Variants in RBM23 observed in about 807,000 individuals in gnomAD.
RBM23 encodes probable RNA-binding protein 23.
A neutral mutation model predicts 56.2 loss-of-function variants in RBM23; 53 were observed. The ratio of observed to expected loss-of-function variants is 0.94; its 90% CI spans 0.76 to 1.19. The LOEUF (loss-of-function observed/expected upper bound fraction) is 1.19. Ranked by LOEUF, RBM23 falls within the 50% of genes most tolerant of loss-of-function variation. The pLI is 0.00. For missense variants in RBM23, 642 were observed against 590.3 expected (o/e 1.09, Z -0.91); for synonymous variants, 197 against 198.5 (o/e 0.99, Z 0.06).
At position 22,898,640 on chromosome 14, in the gene RBM23, C is replaced by T. The variant is rs555777010; in HGVS notation, c.*3090G>A. The T allele has an allele frequency of 6.6e-6, 1 of 151,986 alleles. No homozygotes were observed. The highest frequency in any genetic ancestry group is 2.1e-4 in the South Asian group (1 of 4,810). The allele number at this position is 151,986 out of a possible 1,614,324, so 9.4% of individuals were successfully genotyped here. A position where few individuals can be genotyped will look rare whatever the true frequency, so the allele number is the denominator to read the frequency against. The stretch of plus-strand genomic sequence containing the variant: ...GATACGTCCTTACTTCCAACATTGT[C>T]TCTCTCCCAGCAAGAGGCTATGTGA... On this transcript the variant is annotated 3_prime_UTR_variant, in exon 14 of 14. Transcript: ENST00000359890.
In RBM23 at chr14:22,909,564, T is replaced by C. The variant is rs371973683; in HGVS notation, c.98A>G (p.Asp33Gly). 9 of 1,613,628 alleles carry C rather than the reference T, an allele frequency of 5.6e-6. No individual in the cohort carries two copies. Among genetic ancestry groups the C allele is most frequent in the South Asian group, 5.5e-5 (5 of 91,060 alleles). Residue 33 changes from aspartate (D) to glycine (G), a missense_variant, in exon 3 of 14, where the codon GAT (aspartate) becomes GGT (glycine). Coordinates refer to ENST00000359890, the MANE Select transcript of RBM23 (RefSeq NM_001077351.2). ...DEQQRKEVKK[D>G]YPSNTTSSTS... is the part of the protein sequence containing the mutation. Reference sequence around the variant, plus strand: ...GCTGCTGGTGGTATTGCTAGGATAATCCTTTTTAACTTCTTTCCTTTGTTG... The same window carrying C: ...GCTGCTGGTGGTATTGCTAGGATAACCCTTTTTAACTTCTTTCCTTTGTTG...
Position 22,894,262 on chromosome 14 carries a change from C to T in RBM23, c.*7468G>A, listed in dbSNP as rs1217243622. ...GGTCTACAAAGTCCAACGTGCCTTC[C>T]ATAGGACTCACGGGTAACACTTTTT... is the stretch of plus-strand genomic sequence containing the variant. On this transcript the variant is annotated 3_prime_UTR_variant, in exon 14 of 14. Transcript: ENST00000359890. 6.6e-6 allele frequency: 1 copy of T among 152,178 alleles called. No individual in the cohort carries two copies. Among genetic ancestry groups the T allele is most frequent in the Non-Finnish European group, 1.5e-5 (1 of 68,050 alleles). The allele number at this position is 152,178 out of a possible 1,614,324, so 9.4% of individuals were successfully genotyped here.
intron 9 of RBM23, 149 bp from the exon 10 acceptor site, chr14:22,904,475 CGG>C: frequency 3.0e-6 from 2 of 677,650 alleles, no homozygotes; most frequent in South Asian, 2.1e-5. Flanking sequence ...GACCTTGTCT[CGG>C]AAAAAAAAAG....
chr14:22,900,337 CCCT>C lies in RBM23; in HGVS notation c.*1390_*1392del, dbSNP rs1234147804. The C allele has an allele frequency of 1.3e-5, 2 of 151,304 alleles. No individual in the cohort carries two copies. Among genetic ancestry groups the C allele is most frequent in the East Asian group, 2.0e-4 (1 of 5,120 alleles). 9.4% of individuals were successfully genotyped at this position (151,304 alleles called of 1,614,324 possible). ...AACTCTTCAAGATCACAACCCCCCC[CCCT>C]CCCCGCCCCGCCCCACTAGAAAAAA... On this transcript the variant is annotated 3_prime_UTR_variant, in exon 14 of 14. Coordinates refer to ENST00000359890, the MANE Select transcript of RBM23 (RefSeq NM_001077351.2).
intron 4 of RBM23, 112 bp downstream of exon 4, chr14:22,908,219 CTA>C: frequency 8.7e-7 from 1 of 1,143,452 alleles, no homozygotes; most frequent in Non-Finnish European, 1.2e-6. Flanking sequence ...CAGGATTTTG[CTA>C]TGTTGCCCAG....
chr14:22,903,005 C>T (rs769841696), intron 10 of RBM23: 156 of 889,328 alleles, frequency 1.8e-4, no homozygotes, highest in Non-Finnish European at 2.0e-4. Context: ...TGGTCTCGAA[C>T]TCCTGACCTC....
chr14:22,909,828 C>A (rs912767039), intron 2 of RBM23, among the ~76,000 whole-genome samples: 10 of 152,266 alleles, frequency 6.6e-5, no homozygotes, highest in East Asian at 1.9e-4. Context: ...TACCCAACAT[C>A]TGCTCCACTA....
chr14:22,916,439 G>A (rs2043512465), intron 1 of RBM23, among the ~76,000 whole-genome samples: 1 of 103,450 alleles, frequency 9.7e-6, no homozygotes, highest in African/African-American at 3.1e-5. Context: ...CATATTTTGG[G>A]CTTTTTTTTT....
chr14:22,918,247 T>C (rs1483316753), intron 1 of RBM23, among the ~76,000 whole-genome samples: 1 of 151,300 alleles, frequency 6.6e-6, no homozygotes, highest in Non-Finnish European at 1.5e-5. Context: ...ATACAAAAAT[T>C]AGCCGGGCGT....
At chr14:22,903,147 G>C (rs1223923823) in intron 10 of RBM23, 10 of 985,430 alleles carry the variant, frequency 1.0e-5, no homozygotes, top group African/African-American at 1.7e-5. Flanking sequence ...ACACACCCTA[G>C]TGCTGACAGC....
In RBM23 at chr14:22,893,625, G is replaced by A. The variant is rs1486168603; in HGVS notation, c.*8105C>T. On this transcript the variant is annotated 3_prime_UTR_variant, in exon 14 of 14. Coordinates refer to ENST00000359890, the MANE Select transcript of RBM23 (RefSeq NM_001077351.2). ...AGATAGTTGAGAGAAAGAAGGAAAA[G>A]CATTCCTTGTGGTCAAACTACATGA... 6.6e-6 allele frequency: 1 copy of A among 152,216 alleles called. No homozygotes were observed. The highest frequency in any genetic ancestry group is 2.4e-5 in the African/African-American group (1 of 41,452). The allele number at this position is 152,216 out of a possible 1,614,324, so 9.4% of individuals were successfully genotyped here. A position where few individuals can be genotyped will look rare whatever the true frequency, so the allele number is the denominator to read the frequency against.
intron 10 of RBM23, chr14:22,903,206 G>A: frequency 2.0e-6 from 2 of 985,488 alleles, no homozygotes; most frequent in South Asian, 9.4e-5. Context: ...TTGACTAAGT[G>A]ACCTGCTGAC....
intron 1 of RBM23, among the ~76,000 whole-genome samples, chr14:22,918,717 T>A (rs1475140403): frequency 6.6e-6 from 1 of 152,100 alleles, no homozygotes; most frequent in Non-Finnish European, 1.5e-5. Context: ...GTGTCACGGC[T>A]GCAGAGACCC....
At position 22,904,284 on chromosome 14, in the gene RBM23, A is replaced by G; in HGVS notation, c.907T>C (p.Ser303Pro). Residue 303 changes from serine to proline, a missense_variant, in exon 10 of 14, where the codon TCT (serine) becomes CCT (proline). Coordinates refer to ENST00000359890, the MANE Select transcript of RBM23 (RefSeq NM_001077351.2). ...VLMKDSDTGR[S>P]KGYGFITFSD... Reference sequence around the variant, plus strand: ...ACCGTGATGAAACCATAACCTTTAGAGCGGCCTGTATCTGAGTCCTTCATC... The same window carrying G: ...ACCGTGATGAAACCATAACCTTTAGGGCGGCCTGTATCTGAGTCCTTCATC... 1.2e-6 allele frequency: 2 copies of G among 1,613,612 alleles called. No homozygotes were observed. Among genetic ancestry groups the G allele is most frequent in the Non-Finnish European group, 1.7e-6 (2 of 1,179,558 alleles).
At chr14:22,904,823 C>T in intron 9 of RBM23, 52 bp downstream of exon 9, 2 of 1,608,822 alleles carry the variant, frequency 1.2e-6, no homozygotes, top group Non-Finnish European at 1.7e-6. Context: ...CAAACACTCA[C>T]CCTCCCCACT....
rs2040403653 is a variant in RBM23 at position 22,900,868 on chromosome 14, G to A, written c.*862C>T. On this transcript the variant is annotated 3_prime_UTR_variant, in exon 14 of 14. Coordinates refer to ENST00000359890, the MANE Select transcript of RBM23 (RefSeq NM_001077351.2). Reference sequence around the variant, plus strand: ...GAAGGGCTCACACATGCCCAGGTAAGGGATGGGAGTAGCTATAATTGCCAG... The same window carrying A: ...GAAGGGCTCACACATGCCCAGGTAAAGGATGGGAGTAGCTATAATTGCCAG... 1 of 152,122 alleles carries A rather than the reference G, an allele frequency of 6.6e-6. No homozygotes were observed. 9.4% of individuals were successfully genotyped at this position (152,122 alleles called of 1,614,324 possible).
intron 1 of RBM23, among the ~76,000 whole-genome samples, chr14:22,914,215 C>T (rs562051007): frequency 6.6e-6 from 1 of 151,810 alleles, no homozygotes; most frequent in Admixed American, 6.6e-5. Context: ...GTCCCAGCTA[C>T]TCAGGAGGCT....
chr14:22,903,700 A>G (rs996751398), intron 10 of RBM23: 6 of 1,003,632 alleles, frequency 6.0e-6, no homozygotes, highest in African/African-American at 5.2e-5. Context: ...CTGGAGTCAC[A>G]TGGGGCTGGA....
At chr14:22,905,582 A>C (rs750199191) in intron 6 of RBM23, 24 bp downstream of exon 6, 8 of 1,607,450 alleles carry the variant, frequency 5.0e-6, no homozygotes, top group Admixed American at 3.3e-5. Context: ...ACAATCCCTA[A>C]AACAGTGTTC....
Sources: gnomAD v4.1 joint callset for allele counts (sites outside exome capture counted in the v4.1 genomes callset) on GRCh38, gnomAD v4.1.1 for gene constraint, MANE v1.5 for transcripts, NCBI Gene and HGNC (gene_info 2026-07-23, HGNC 2026-07-21) for gene names.